DAB1: variants seen among roughly 807,000 people sequenced by gnomAD.
DAB1 encodes disabled homolog 1.
In DAB1, 15 loss-of-function variants were observed where a neutral mutation model predicts 64.6. The ratio of observed to expected loss-of-function variants is 0.23; its 90% CI spans 0.16 to 0.36. The LOEUF (loss-of-function observed/expected upper bound fraction) is 0.36. Among genes scored for constraint, DAB1 ranks in the 10% least tolerant of loss-of-function variants. The pLI is 1.00. For missense variants in DAB1, 596 were observed against 706.7 expected (o/e 0.84, Z 1.78); for synonymous variants, 235 against 251.9 (o/e 0.93, Z 0.64).
intron 1 of DAB1, among the ~76,000 whole-genome samples, chr1:58,543,358 T>C (rs1032647447): frequency 5.3e-5 from 8 of 152,218 alleles, no homozygotes; most frequent in African/African-American, 1.9e-4. Context: ...ATTTTCAACA[T>C]TTAATCAGTT....
At chr1:57,985,680 A>C (rs192848904) in intron 5 of DAB1, among the ~76,000 whole-genome samples, 44 of 152,062 alleles carry the variant, frequency 2.9e-4, no homozygotes, top group Non-Finnish European at 5.9e-4. Flanking sequence ...TATTAGCCAC[A>C]CTGGAGTCTT....
chr1:57,942,547 G>A (rs1325867324), intron 5 of DAB1, among the ~76,000 whole-genome samples: 1 of 152,118 alleles, frequency 6.6e-6, no homozygotes, highest in Non-Finnish European at 1.5e-5. Context: ...GGTTTCAGCT[G>A]GACATGTGGC....
chr1:58,409,493 T>C (rs849485), intron 3 of DAB1, among the ~76,000 whole-genome samples: 1 of 152,174 alleles, frequency 6.6e-6, no homozygotes. Flanking sequence ...CACAGTGGGC[T>C]GTCCCAGGAA....
chr1:57,355,656 C>T (rs1381352917), intron 1 of DAB1, among the ~76,000 whole-genome samples: 2 of 151,830 alleles, frequency 1.3e-5, no homozygotes, highest in South Asian at 2.1e-4. Context: ...GGCAAAAGAT[C>T]GTGGTATTTC....
At chr1:57,538,384 CCTT>C (rs1644756178) in intron 7 of DAB1, among the ~76,000 whole-genome samples, 1 of 152,136 alleles carries the variant, frequency 6.6e-6, no homozygotes, top group African/African-American at 2.4e-5. Context: ...TCCTGTAAGG[CCTT>C]CTACTTCTGG....
At chr1:57,144,129 T>C (rs1658877145) in intron 3 of DAB1, among the ~76,000 whole-genome samples, 1 of 151,888 alleles carries the variant, frequency 6.6e-6, no homozygotes, top group African/African-American at 2.4e-5. Context: ...CTTTGTGGGA[T>C]TGTGGATTAT....
intron 3 of DAB1, among the ~76,000 whole-genome samples, chr1:58,475,339 T>C (rs934458306): frequency 7.2e-5 from 11 of 152,006 alleles, no homozygotes; most frequent in Admixed American, 5.2e-4. Context: ...TTTTTGTATT[T>C]TTAGTAGAGA....
chr1:57,384,315 T>C (rs544402746), intron 1 of DAB1, among the ~76,000 whole-genome samples: 79 of 152,252 alleles, frequency 5.2e-4, no homozygotes, highest in African/African-American at 1.5e-3. Flanking sequence ...GGTGGGAAAG[T>C]TAAATGGTGC....
chr1:57,286,710 T>C (rs1368315210), intron 2 of DAB1, among the ~76,000 whole-genome samples: 1 of 152,172 alleles, frequency 6.6e-6, no homozygotes, highest in Admixed American at 6.6e-5. Flanking sequence ...CATTAACTGA[T>C]AAAAATCATT....
At chr1:58,445,392 C>G (rs995201436) in intron 3 of DAB1, among the ~76,000 whole-genome samples, 1 of 152,214 alleles carries the variant, frequency 6.6e-6, no homozygotes, top group African/African-American at 2.4e-5. Context: ...CGCCTGAGTA[C>G]ACAAGCCCAC....
At chr1:58,144,710 T>G (rs566938136) in intron 5 of DAB1, among the ~76,000 whole-genome samples, 1 of 152,306 alleles carries the variant, frequency 6.6e-6, no homozygotes, top group South Asian at 2.1e-4. Context: ...AATTTCAGGC[T>G]CAGCCAGGTT....
At chr1:57,921,883 C>T (rs560780674) in intron 5 of DAB1, among the ~76,000 whole-genome samples, 2 of 152,342 alleles carry the variant, frequency 1.3e-5, no homozygotes, top group African/African-American at 4.8e-5. Flanking sequence ...TTGAACCCAT[C>T]TCCTAACTTC....
At chr1:57,678,425 C>A (rs142509776) in intron 6 of DAB1, among the ~76,000 whole-genome samples, 174 of 152,268 alleles carry the variant, frequency 1.1e-3, no homozygotes, top group East Asian at 7.9e-3. Context: ...AGGTAGGGGG[C>A]AGGTTAGGCT....
At chr1:57,561,056 G>A (rs190482186) in intron 7 of DAB1, among the ~76,000 whole-genome samples, 39 of 152,166 alleles carry the variant, frequency 2.6e-4, no homozygotes, top group Non-Finnish European at 4.7e-4. Flanking sequence ...GATTGGGCTC[G>A]AGCAGGTCCT....
intron 6 of DAB1, among the ~76,000 whole-genome samples, chr1:57,665,849 CTGTGTG>C (rs397862533): frequency 0.012 from 1,676 of 137,222 alleles, 11 homozygotes; most frequent in African/African-American, 0.016. Context: ...TTTTAATTAT[CTGTGTG>C]TGTGTGTGTG....
chr1:57,355,457 A>G (rs1679018822), intron 1 of DAB1, among the ~76,000 whole-genome samples: 1 of 151,900 alleles, frequency 6.6e-6, no homozygotes, highest in Non-Finnish European at 1.5e-5. Flanking sequence ...CCAGGTTGAA[A>G]AAGTCACAGT....
At chr1:57,040,907 G>A (rs1404576287) in intron 9 of DAB1, among the ~76,000 whole-genome samples, 1 of 152,170 alleles carries the variant, frequency 6.6e-6, no homozygotes, top group African/African-American at 2.4e-5. Flanking sequence ...TTTTGGGGAG[G>A]AGGGCAGGGG....
chr1:57,923,121 C>G (rs1161961490), intron 5 of DAB1, among the ~76,000 whole-genome samples: 1 of 151,884 alleles, frequency 6.6e-6, no homozygotes, highest in Non-Finnish European at 1.5e-5. Context: ...AGTCATCATC[C>G]TGAAGCTGAC....
At chr1:57,083,444 G>A (rs1652753188) in intron 4 of DAB1, among the ~76,000 whole-genome samples, 1 of 152,104 alleles carries the variant, frequency 6.6e-6, no homozygotes, top group East Asian at 1.9e-4. Flanking sequence ...TAACATTTTA[G>A]CTCATGGTGT....
Sources: allele counts gnomAD v4.1 joint callset (sites outside exome capture counted in the v4.1 genomes callset), GRCh38; gene constraint gnomAD v4.1.1; transcripts MANE v1.5; gene names NCBI Gene and HGNC (gene_info 2026-07-23, HGNC 2026-07-21).